CSMD1: variants seen among roughly 807,000 people sequenced by gnomAD.
CSMD1 encodes the protein CUB and Sushi multiple domains 1.
A neutral mutation model predicts 417.5 loss-of-function variants in CSMD1; 213 were observed. The observed-to-expected ratio is 0.51, with a 90% CI of 0.46 to 0.57. The LOEUF (loss-of-function observed/expected upper bound fraction) is 0.57. CSMD1 is among the 20% of genes least tolerant of loss of function. The pLI, the probability that CSMD1 is intolerant of heterozygous loss-of-function variation, is 0.00. For missense variants in CSMD1, 6,923 were observed against 4,529.7 expected, an observed-to-expected ratio of 1.53 and a Z score of -15.17; for synonymous variants, 2,862 against 1,736.8, an observed-to-expected ratio of 1.65 and a Z score of -16.11.
At position 3,787,903 on chromosome 8, in the gene CSMD1, G is replaced by A. The variant is rs185014627; in HGVS notation, c.819-33861C>T. 3.3e-3 allele frequency among the ~76,000 whole-genome samples: 501 copies of A among 152,300 alleles called. 4 individuals carry two copies. The highest frequency in any genetic ancestry group is 0.011 in the African/African-American group (465 of 41,558). The stretch of plus-strand genomic sequence containing the variant: ...GAGAGAGTGTTACTCTATTTTGCCA[G>A]ATTAAATCTCTGTAGTTGTGAGGGG... On this transcript the variant is annotated intron_variant, in intron 5 of 69. Coordinates refer to ENST00000635120, the MANE Select transcript of CSMD1 (RefSeq NM_033225.6).
rs559093307 is a variant in CSMD1, at chr8:3,524,038, C to T, written c.1345-30312G>A. ...GCACGTGCACACACACACACATGCA[C>T]ACCCAGAGACACGTGCACACACATG... On this transcript the variant is annotated intron_variant, in intron 10 of 69. Transcript: ENST00000635120. Among the ~76,000 whole-genome samples, 5 of 150,934 alleles carry T rather than the reference C, an allele frequency of 3.3e-5. No homozygotes were observed. In the East Asian group the frequency reaches 9.9e-4, roughly 30 times the overall value.
chr8:4,955,954 A>G (rs1809080526), intron 1 of CSMD1, among the ~76,000 whole-genome samples: 1 of 152,208 alleles, frequency 6.6e-6, no homozygotes, highest in African/African-American at 2.4e-5. Flanking sequence ...GCTGAGTTTG[A>G]GAAACGCTGT....
In CSMD1 at chr8:4,789,688, T is replaced by C. The variant is rs142242419; in HGVS notation, c.86-152130A>G. Among the ~76,000 whole-genome samples, 9 of 152,320 alleles carry C rather than the reference T, an allele frequency of 5.9e-5. No individual in the cohort carries two copies. The East Asian group carries it at 1.7e-3, about 29-fold the overall frequency. Reference sequence around the variant, plus strand: ...TCAGAATTTAGCATGTTCCAGAATGTACTTATTTATGATCCTGTATAAGAT... The same window carrying C: ...TCAGAATTTAGCATGTTCCAGAATGCACTTATTTATGATCCTGTATAAGAT... On this transcript the variant is annotated intron_variant, in intron 1 of 69. Coordinates refer to ENST00000635120, the MANE Select transcript of CSMD1 (RefSeq NM_033225.6).
Position 2,938,398 on chromosome 8 carries a change from A to C in CSMD1, c.*187T>G. 1.8e-6 allele frequency: 1 copy of C among 545,800 alleles called. No homozygotes were observed. The highest frequency in any genetic ancestry group is 3.2e-6 in the Non-Finnish European group (1 of 316,962). The allele number at this position is 545,800 out of a possible 1,614,324, so 33.8% of individuals were successfully genotyped here. ...ACTTTTGGAATGAAAACGCATGTGT[A>C]GTTTGATCCGTAGAAGACCCTGACA... On this transcript the variant is annotated 3_prime_UTR_variant, in exon 70 of 70. Coordinates refer to ENST00000635120, the MANE Select transcript of CSMD1 (RefSeq NM_033225.6).
intron 5 of CSMD1, among the ~76,000 whole-genome samples, chr8:3,811,191 G>C (rs147335659): frequency 2.4e-3 from 368 of 152,114 alleles, no homozygotes; most frequent in African/African-American, 8.5e-3. Flanking sequence ...TTTTCTATTC[G>C]AATTATTTTT....
chr8:3,181,355 T>A (rs1039287884), intron 36 of CSMD1, 141 bp from the exon 37 acceptor site: 2 of 642,670 alleles, frequency 3.1e-6, no homozygotes, highest in African/African-American at 1.8e-5. Flanking sequence ...AGTGTTGGTT[T>A]TATTATGTAT....
chr8:3,359,287 T>C lies in CSMD1; in HGVS notation c.3169A>G (p.Ile1057Val), dbSNP rs143951764. The change falls in exon 21 of 70, where the codon ATT (isoleucine) becomes GTT (valine). Residue 1057 changes from isoleucine to valine, a missense_variant. Ile to Val is a conservative substitution (Grantham distance 29, BLOSUM62 3). Transcript: ENST00000635120. The part of the protein sequence containing the change: ...DPGVPAFSRR[I>V]GFHFGVGDSL... ...TCTCCCACACCAAAGTGAAAACCAA[T>C]TCTTCGGCTGAAGGCAGGGACTCCA... 864 of 1,613,836 alleles carry C rather than the reference T, an allele frequency of 5.4e-4. 2 individuals carry two copies. Among genetic ancestry groups the C allele is most frequent in the Admixed American group, 1.1e-3 (64 of 60,002 alleles).
At chr8:3,464,895 G>C (rs1261296823) in intron 12 of CSMD1, among the ~76,000 whole-genome samples, 3 of 152,012 alleles carry the variant, frequency 2.0e-5, no homozygotes, top group Admixed American at 6.6e-5. Context: ...TCTCCCTCAA[G>C]AGCTCTCTTT....
chr8:4,444,341 C>T (rs1798656235), intron 2 of CSMD1, among the ~76,000 whole-genome samples: 2 of 66,688 alleles, frequency 3.0e-5, no homozygotes, highest in Non-Finnish European at 5.2e-5. Context: ...AGTGAGACTC[C>T]ATCTCAAAAA....
intron 8 of CSMD1, among the ~76,000 whole-genome samples, chr8:3,615,646 C>T (rs1012400927): frequency 2.0e-5 from 3 of 152,132 alleles, no homozygotes; most frequent in African/African-American, 2.4e-5. Flanking sequence ...TTAAAACGAC[C>T]GTTGTTACTC....
In CSMD1 at chr8:2,949,288, G is replaced by C. The variant is rs766288404; in HGVS notation, c.10402+11C>G. 3 of 1,492,922 alleles carry C rather than the reference G, an allele frequency of 2.0e-6. No homozygotes were observed. In the African/African-American group the frequency reaches 4.2e-5, roughly 21 times the overall value. The allele number at this position is 1,492,922 out of a possible 1,614,324, so 92.5% of individuals were successfully genotyped here. On this transcript the variant is annotated intron_variant, in intron 68 of 69. Coordinates refer to ENST00000635120, the MANE Select transcript of CSMD1 (RefSeq NM_033225.6). ...ATATTTGCTTTAAAATATATCCTAA[G>C]TGCAACTTACCTTGCCTTTCTAGCT...
At chr8:2,956,020 C>T (rs915498639) in intron 63 of CSMD1, among the ~76,000 whole-genome samples, 4 of 151,988 alleles carry the variant, frequency 2.6e-5, no homozygotes, top group African/African-American at 9.7e-5. Flanking sequence ...GGATTACAGG[C>T]ATGAGCCACT....
intron 2 of CSMD1, among the ~76,000 whole-genome samples, chr8:4,420,828 C>A (rs77807111): frequency 6.6e-6 from 1 of 152,124 alleles, no homozygotes; most frequent in South Asian, 2.1e-4. Context: ...TGGTAAGTAG[C>A]TTATTTTTTA....
intron 3 of CSMD1, among the ~76,000 whole-genome samples, chr8:4,234,244 C>G (rs968567211): frequency 3.9e-5 from 6 of 152,152 alleles, no homozygotes; most frequent in African/African-American, 1.4e-4. Flanking sequence ...CAGACTAAAG[C>G]AGGAGGTTGT....
chr8:4,613,315 C>A (rs769272428), intron 2 of CSMD1, among the ~76,000 whole-genome samples: 1 of 152,184 alleles, frequency 6.6e-6, no homozygotes, highest in Non-Finnish European at 1.5e-5. Flanking sequence ...CTAGAGTAGA[C>A]ACCACCGCAG....
intron 27 of CSMD1, among the ~76,000 whole-genome samples, chr8:3,224,868 A>T (rs1484912264): frequency 2.0e-5 from 3 of 152,216 alleles, no homozygotes; most frequent in Non-Finnish European, 4.4e-5. Flanking sequence ...TGCCGAATTT[A>T]TAAGTATACA....
chr8:3,016,145 C>T (rs1043994362), intron 52 of CSMD1, among the ~76,000 whole-genome samples: 2 of 152,178 alleles, frequency 1.3e-5, no homozygotes, highest in African/African-American at 4.8e-5. Flanking sequence ...CTCACAAATG[C>T]CATGTGCATT....
At chr8:3,636,706 T>C (rs1025885953) in intron 7 of CSMD1, among the ~76,000 whole-genome samples, 1 of 152,204 alleles carries the variant, frequency 6.6e-6, no homozygotes, top group Non-Finnish European at 1.5e-5. Flanking sequence ...GGAGCCACGC[T>C]CTTGTGACCA....
chr8:4,615,042 G>C (rs189054930), intron 2 of CSMD1, among the ~76,000 whole-genome samples: 1 of 152,256 alleles, frequency 6.6e-6, no homozygotes, highest in East Asian at 1.9e-4. Context: ...GTTATTTTCA[G>C]ATGAGAAAGG....
Sources: allele counts gnomAD v4.1 joint callset (sites outside exome capture counted in the v4.1 genomes callset), GRCh38; gene constraint gnomAD v4.1.1; transcripts MANE v1.5; gene names NCBI Gene and HGNC (gene_info 2026-07-23, HGNC 2026-07-21).